Variants in GUCY2F observed in about 807,000 individuals in gnomAD.
GUCY2F encodes the protein retinal guanylyl cyclase 2.
A neutral mutation model predicts 73.1 loss-of-function variants in GUCY2F; 61 were observed. That is an observed-to-expected ratio of 0.83 (90% CI 0.68 to 1.03). GUCY2F has a LOEUF of 1.03. Ranked by LOEUF, GUCY2F falls within the 50% of genes least tolerant of loss-of-function variation. The pLI is 0.00. For missense variants in GUCY2F, 912 were observed against 854.3 expected (o/e 1.07, Z -0.84); for synonymous variants, 331 against 307.8 (o/e 1.08, Z -0.79).
intron 3 of GUCY2F, among the ~76,000 whole-genome samples, chrX:109,457,694 G>A (rs184445986): frequency 8.9e-4 from 99 of 111,353 alleles, no homozygotes; most frequent in African/African-American, 3.2e-3. Context: ...GAATGTTCCA[G>A]TCCTAACCAC....
chrX:109,468,150 A>G (rs1211058781), intron 2 of GUCY2F, among the ~76,000 whole-genome samples: 1 of 111,826 alleles, frequency 8.9e-6, no homozygotes, highest in Non-Finnish European at 1.9e-5. Flanking sequence ...AGCTTCCTGC[A>G]CTCAAAGCTC....
At chrX:109,431,948 C>T (rs1042090853) in intron 7 of GUCY2F, among the ~76,000 whole-genome samples, 6 of 109,102 alleles carry the variant, frequency 5.5e-5, no homozygotes, top group Non-Finnish European at 7.6e-5. Flanking sequence ...TGGCCAGGCT[C>T]AGTGCCCAGA....
intron 9 of GUCY2F, among the ~76,000 whole-genome samples, chrX:109,406,736 T>C (rs1338634778): frequency 9.0e-6 from 1 of 111,318 alleles, no homozygotes; most frequent in East Asian, 2.8e-4. Flanking sequence ...TTTTCCATGC[T>C]ATTCTCATGA....
Position 109,391,932 on chromosome X carries a change from A to G in GUCY2F, c.2760T>C (p.Ile920=), listed in dbSNP as rs1229996845. Reference sequence around the variant, plus strand: ...CTACCTTGTAGACATCATGACTGCCAATTATTGCATCAAAGAGTGTGTACA... The same window carrying G: ...CTACCTTGTAGACATCATGACTGCCGATTATTGCATCAAAGAGTGTGTACA... ...NDLYTLFDAI[I]GSHDVYKVET... Residue 920 remains isoleucine, a synonymous_variant, in exon 14 of 20, where the codon ATT becomes ATC. Transcript: ENST00000218006. 14 of 1,198,607 alleles carry G rather than the reference A, an allele frequency of 1.2e-5. No individual in the cohort carries two copies. The highest frequency in any genetic ancestry group is 1.6e-5 in the Non-Finnish European group (14 of 887,767).
At chrX:109,426,251 A>G (rs1272325390) in intron 8 of GUCY2F, among the ~76,000 whole-genome samples, 1 of 112,223 alleles carries the variant, frequency 8.9e-6, no homozygotes, top group Non-Finnish European at 1.9e-5. Flanking sequence ...AGTAAATAAA[A>G]CAAGGGCTTG....
chrX:109,402,680 T>G (rs1033449840), intron 10 of GUCY2F, among the ~76,000 whole-genome samples: 1 of 111,778 alleles, frequency 8.9e-6, no homozygotes, highest in Admixed American at 9.5e-5. Context: ...ACTAAGTACT[T>G]GCCCTCTCTA....
At chrX:109,387,651 A>G (rs764028042) in intron 15 of GUCY2F, among the ~76,000 whole-genome samples, 106 of 112,059 alleles carry the variant, frequency 9.5e-4, no homozygotes, top group African/African-American at 3.1e-3. Flanking sequence ...AATTAGAGAC[A>G]AAAGGAATTA....
At chrX:109,477,401 G>A (rs190797535) in intron 1 of GUCY2F, among the ~76,000 whole-genome samples, 12 of 111,631 alleles carry the variant, frequency 1.1e-4, no homozygotes, top group Admixed American at 3.8e-4. Flanking sequence ...ATCTTGAATT[G>A]GCCAACAAGT....
intron 17 of GUCY2F, among the ~76,000 whole-genome samples, chrX:109,380,486 C>T (rs1260145012): frequency 9.6e-6 from 1 of 104,451 alleles, no homozygotes; most frequent in African/African-American, 4.1e-5. Flanking sequence ...TACTTCCTCT[C>T]CTCTTCCTTG....
Position 109,429,895 on chromosome X carries a change from A to G in GUCY2F, c.1791+412T>C, listed in dbSNP as rs145617577. On this transcript the variant is annotated intron_variant, in intron 8 of 19. Transcript: ENST00000218006. ...TGAAGATTTGGAATGGTGATGGGAT[A>G]TTTACTTGATAATAATCATAATAGC... 2.0e-3 allele frequency among the ~76,000 whole-genome samples: 229 copies of G among 112,535 alleles called. 2 individuals are homozygous for G. The highest frequency in any genetic ancestry group is 7.2e-3 in the African/African-American group (224 of 30,961).
At chrX:109,382,480 C>G (rs1243940864) in intron 16 of GUCY2F, among the ~76,000 whole-genome samples, 1 of 111,982 alleles carries the variant, frequency 8.9e-6, no homozygotes, top group African/African-American at 3.2e-5. Context: ...GTTAATTTAA[C>G]TCAAAGGTTG....
chrX:109,433,282 G>A (rs1265521000), intron 7 of GUCY2F, among the ~76,000 whole-genome samples: 2 of 111,707 alleles, frequency 1.8e-5, no homozygotes, highest in Non-Finnish European at 3.8e-5. Context: ...GCTTTTTCAT[G>A]CCAAATCAAC....
chrX:109,467,830 G>A (rs1009165468), intron 2 of GUCY2F, among the ~76,000 whole-genome samples: 4 of 112,456 alleles, frequency 3.6e-5, no homozygotes, highest in Non-Finnish European at 7.5e-5. Flanking sequence ...TTACACTATG[G>A]AAATCAGCAA....
At chrX:109,460,515 A>G (rs1445495643) in intron 3 of GUCY2F, among the ~76,000 whole-genome samples, 1 of 111,871 alleles carries the variant, frequency 8.9e-6, no homozygotes, top group Non-Finnish European at 1.9e-5. Context: ...CTAGATTTGT[A>G]TACTCATTCA....
chrX:109,377,918 G>T (rs1930215453), intron 17 of GUCY2F, among the ~76,000 whole-genome samples: 1 of 111,128 alleles, frequency 9.0e-6, no homozygotes, highest in African/African-American at 3.3e-5. Flanking sequence ...GAGCTCCAGG[G>T]GCTCTCTGAG....
intron 2 of GUCY2F, among the ~76,000 whole-genome samples, chrX:109,474,042 A>C (rs191036094): frequency 8.9e-6 from 1 of 112,159 alleles, no homozygotes; most frequent in East Asian, 2.8e-4. Flanking sequence ...AGATTACTGT[A>C]GTTCTGGAAC....
chrX:109,376,297 G>A (rs996379761), intron 17 of GUCY2F, 130 bp from the exon 18 acceptor site: 2 of 465,623 alleles, frequency 4.3e-6, no homozygotes, highest in South Asian at 7.1e-5. Context: ...GGCTGAGCCA[G>A]AGCAGCCAGA....
chrX:109,388,746 C>T (rs1338981219), intron 14 of GUCY2F, 83 bp from the exon 15 acceptor site: 3 of 602,468 alleles, frequency 5.0e-6, no homozygotes, highest in Admixed American at 2.6e-5. Flanking sequence ...TAATGGAGGC[C>T]AGGTGGTCTT....
At chrX:109,454,128 C>A (rs1440078992) in intron 3 of GUCY2F, among the ~76,000 whole-genome samples, 2 of 111,392 alleles carry the variant, frequency 1.8e-5, no homozygotes, top group Admixed American at 1.9e-4. Flanking sequence ...TATTTTTATG[C>A]TCCTAAACTA....
Sources: gnomAD v4.1 joint callset for allele counts (sites outside exome capture counted in the v4.1 genomes callset) on GRCh38, gnomAD v4.1.1 for gene constraint, MANE v1.5 for transcripts, NCBI Gene and HGNC (gene_info 2026-07-23, HGNC 2026-07-21) for gene names.